Variants in LYPD6B observed in about 807,000 individuals in gnomAD.
The protein encoded by LYPD6B is ly6/PLAUR domain-containing protein 6B.
LYPD6B carries 17 observed loss-of-function variants against 22.8 expected under a neutral mutation model. That is an observed-to-expected ratio of 0.75 (90% CI 0.51 to 1.12). The LOEUF is 1.12. LYPD6B is among the 50% of genes most tolerant of loss of function. The probability of loss-of-function intolerance (pLI) is 0.00; values close to 1 mark genes in which losing one functional copy is unlikely to be tolerated. For missense variants in LYPD6B, 221 were observed against 258.3 expected (o/e 0.86, Z 0.99); for synonymous variants, 106 against 91.6 (o/e 1.16, Z -0.90).
chr2:149,041,364 G>A (rs1683079276), intron 1 of LYPD6B, among the ~76,000 whole-genome samples: 1 of 152,166 alleles, frequency 6.6e-6, no homozygotes, highest in Admixed American at 6.5e-5. Context: ...GAAGGCCGGG[G>A]CTTGCTGCTT....
At chr2:149,192,696 G>T (rs1692572526) in intron 3 of LYPD6B, among the ~76,000 whole-genome samples, 1 of 152,134 alleles carries the variant, frequency 6.6e-6, no homozygotes, top group Non-Finnish European at 1.5e-5. Context: ...GGATGGGAAA[G>T]TTCTTTGAAG....
At chr2:149,089,677 TTTC>T (rs1685557040) in intron 1 of LYPD6B, among the ~76,000 whole-genome samples, 1 of 152,228 alleles carries the variant, frequency 6.6e-6, no homozygotes, top group South Asian at 2.1e-4. Context: ...AGGAAGTAAA[TTTC>T]TGACAGCTTC....
At chr2:149,190,768 C>T (rs926194672) in intron 3 of LYPD6B, among the ~76,000 whole-genome samples, 3 of 152,002 alleles carry the variant, frequency 2.0e-5, no homozygotes, top group African/African-American at 7.3e-5. Context: ...CTTATGATTT[C>T]TAGTAGCTAT....
rs1317781430 is a variant in LYPD6B, at chr2:149,066,431, G to GT, written c.-67+27636dup. 3.3e-5 allele frequency among the ~76,000 whole-genome samples: 5 copies of GT among 151,592 alleles called. No individual in the cohort carries two copies. The South Asian group carries it at 1.0e-3, about 32-fold the overall frequency. On this transcript the variant is annotated intron_variant, in intron 1 of 6. Transcript: ENST00000409642. ...TATGAGTGAGAACATGCAGTGTTTG[G>GT]TTTTTTGTCCTTGGGATAGTTTGCT...
At chr2:149,200,612 C>G (rs1244943975) in intron 3 of LYPD6B, 1 of 152,196 alleles carries the variant, frequency 6.6e-6, no homozygotes, top group Non-Finnish European at 1.5e-5. Context: ...AACTTTCTGT[C>G]TTTTCCCTGG....
intron 1 of LYPD6B, among the ~76,000 whole-genome samples, chr2:149,086,039 C>G (rs149530259): frequency 1.3e-5 from 2 of 152,124 alleles, no homozygotes; most frequent in Admixed American, 1.3e-4. Flanking sequence ...CATTGCCAGG[C>G]GGAAGGCTCA....
intron 1 of LYPD6B, among the ~76,000 whole-genome samples, chr2:149,090,039 G>C (rs1222250958): frequency 6.6e-6 from 1 of 151,994 alleles, no homozygotes; most frequent in Non-Finnish European, 1.5e-5. Flanking sequence ...ACCTATTCTG[G>C]GAACCCAAAA....
At chr2:149,179,958 TTTTA>T (rs1691590249) in intron 3 of LYPD6B, among the ~76,000 whole-genome samples, 1 of 152,218 alleles carries the variant, frequency 6.6e-6, no homozygotes, top group African/African-American at 2.4e-5. Context: ...ATTTTATCAC[TTTTA>T]TTTATTTTAT....
chr2:149,194,492 A>C (rs1692681271), intron 3 of LYPD6B, among the ~76,000 whole-genome samples: 1 of 152,216 alleles, frequency 6.6e-6, no homozygotes, highest in South Asian at 2.1e-4. Flanking sequence ...AGCAGATTCC[A>C]GTGCTAGCAG....
At chr2:149,189,015 C>G (rs539944139) in intron 3 of LYPD6B, among the ~76,000 whole-genome samples, 1 of 152,124 alleles carries the variant, frequency 6.6e-6, no homozygotes, top group African/African-American at 2.4e-5. Flanking sequence ...AAATATTTAG[C>G]TTTTTCACTA....
At chr2:149,044,194 T>G (rs1237999149) in intron 1 of LYPD6B, among the ~76,000 whole-genome samples, 1 of 152,118 alleles carries the variant, frequency 6.6e-6, no homozygotes, top group African/African-American at 2.4e-5. Flanking sequence ...TGGAATTGTA[T>G]TAAATCTACA....
chr2:149,142,799 C>T (rs1013994465), intron 2 of LYPD6B, among the ~76,000 whole-genome samples: 6 of 152,270 alleles, frequency 3.9e-5, no homozygotes, highest in Admixed American at 3.3e-4. Flanking sequence ...CCACTACGCC[C>T]GGTTTCCTGC....
intron 1 of LYPD6B, among the ~76,000 whole-genome samples, chr2:149,111,758 G>T (rs768848602): frequency 3.3e-5 from 5 of 152,084 alleles, no homozygotes; most frequent in Non-Finnish European, 7.4e-5. Context: ...TAGAAAGTAA[G>T]TATAGATAGA....
At chr2:149,156,389 C>G (rs763335002) in intron 2 of LYPD6B, among the ~76,000 whole-genome samples, 2 of 152,186 alleles carry the variant, frequency 1.3e-5, no homozygotes, top group African/African-American at 4.8e-5. Flanking sequence ...CCCTGGGAAT[C>G]CTGGCAATCC....
At chr2:149,054,439 T>C (rs1268531802) in intron 1 of LYPD6B, among the ~76,000 whole-genome samples, 1 of 152,252 alleles carries the variant, frequency 6.6e-6, no homozygotes, top group Non-Finnish European at 1.5e-5. Context: ...TTTAAGATTT[T>C]TTTGTCTTTT....
chr2:149,104,522 A>T (rs1042996254), intron 1 of LYPD6B, among the ~76,000 whole-genome samples: 2 of 152,192 alleles, frequency 1.3e-5, no homozygotes, highest in African/African-American at 4.8e-5. Flanking sequence ...CATCATTTAT[A>T]TACCATTTCC....
rs538632149 is a variant in LYPD6B, at chr2:149,144,635, G to A, written c.5+13682G>A. 1.6e-3 allele frequency among the ~76,000 whole-genome samples: 247 copies of A among 152,060 alleles called. 1 individual carries two copies. The highest frequency in any genetic ancestry group is 5.7e-3 in the African/African-American group (236 of 41,474). On this transcript the variant is annotated intron_variant, in intron 2 of 6. Transcript: ENST00000409642. ...TTGAACTCCTGGGCTCAAGTCATCCGCCCACCTCAGCCTCCCAAAGTGCTG... is the reference window on the plus strand; with the variant it reads ...TTGAACTCCTGGGCTCAAGTCATCCACCCACCTCAGCCTCCCAAAGTGCTG...
chr2:149,081,244 G>A (rs937244252), intron 1 of LYPD6B, among the ~76,000 whole-genome samples: 4 of 152,174 alleles, frequency 2.6e-5, no homozygotes, highest in Admixed American at 6.5e-5. Context: ...TTGTAAGGCT[G>A]TGGCAGGGGC....
intron 1 of LYPD6B, among the ~76,000 whole-genome samples, chr2:149,120,111 A>C (rs528300518): frequency 5.9e-5 from 9 of 151,828 alleles, no homozygotes; most frequent in African/African-American, 1.9e-4. Context: ...CCTAGAATGC[A>C]CCTCTGCTGT....
Sources: gnomAD v4.1 joint callset for allele counts (sites outside exome capture counted in the v4.1 genomes callset) on GRCh38, gnomAD v4.1.1 for gene constraint, MANE v1.5 for transcripts, NCBI Gene and HGNC (gene_info 2026-07-23, HGNC 2026-07-21) for gene names.